Variants in MAML2 observed in about 807,000 individuals in gnomAD.
MAML2 encodes the protein mastermind like transcriptional coactivator 2, also known as mastermind-like protein 2.
A neutral mutation model predicts 96.1 loss-of-function variants in MAML2; 22 were observed. That is an observed-to-expected ratio of 0.23 (90% CI 0.16 to 0.33). MAML2 has a LOEUF of 0.33. Ranked by LOEUF, MAML2 falls within the 10% of genes least tolerant of loss-of-function variation. The pLI, the probability that MAML2 is intolerant of heterozygous loss-of-function variation, is 1.00. For missense variants in MAML2, 1,367 were observed against 1,392.4 expected, an observed-to-expected ratio of 0.98 and a Z score of 0.29; for synonymous variants, 561 against 521.3, an observed-to-expected ratio of 1.08 and a Z score of -1.04.
At chr11:96,089,763 T>C (rs1859674206) in intron 2 of MAML2, among the ~76,000 whole-genome samples, 1 of 151,998 alleles carries the variant, frequency 6.6e-6, no homozygotes, top group South Asian at 2.1e-4. Flanking sequence ...TCTATAAAGC[T>C]GGGATAAAGC....
At chr11:96,041,975 A>ATTTTTT (rs549945518) in intron 2 of MAML2, among the ~76,000 whole-genome samples, 1 of 121,796 alleles carries the variant, frequency 8.2e-6, no homozygotes, top group Admixed American at 8.7e-5. Flanking sequence ...CGCCCGGCTA[A>ATTTTTT]TTTTTTTTTT....
chr11:96,323,354 TCC>T (rs1178512485), intron 1 of MAML2, among the ~76,000 whole-genome samples: 25 of 152,154 alleles, frequency 1.6e-4, no homozygotes, highest in African/African-American at 5.8e-4. Flanking sequence ...AAAGAGAATT[TCC>T]CTCAGAATAT....
At chr11:96,151,090 G>GC (rs1396665898) in intron 1 of MAML2, among the ~76,000 whole-genome samples, 1 of 152,116 alleles carries the variant, frequency 6.6e-6, no homozygotes, top group Non-Finnish European at 1.5e-5. Flanking sequence ...ACCTTCTGTT[G>GC]CTCACTGGTG....
intron 1 of MAML2, among the ~76,000 whole-genome samples, chr11:96,297,022 GTC>G (rs1475517438): frequency 6.6e-6 from 1 of 152,064 alleles, no homozygotes; most frequent in Non-Finnish European, 1.5e-5. Flanking sequence ...AAAGTAATGA[GTC>G]TTGTCCACCC....
intron 1 of MAML2, among the ~76,000 whole-genome samples, chr11:96,176,007 C>T (rs1861382644): frequency 6.6e-6 from 1 of 152,168 alleles, no homozygotes; most frequent in African/African-American, 2.4e-5. Context: ...AAAGACTCCT[C>T]AATGTGTATA....
At chr11:96,157,407 T>C (rs1282964172) in intron 1 of MAML2, among the ~76,000 whole-genome samples, 2 of 152,250 alleles carry the variant, frequency 1.3e-5, no homozygotes, top group African/African-American at 4.8e-5. Flanking sequence ...TGGTGGTCTG[T>C]GGAGGAACAG....
At chr11:96,085,379 T>G (rs1319347131) in intron 2 of MAML2, among the ~76,000 whole-genome samples, 1 of 152,226 alleles carries the variant, frequency 6.6e-6, no homozygotes. Flanking sequence ...TGTGCAAATT[T>G]ACTGATTAGT....
At chr11:96,067,491 C>T (rs1859263513) in intron 2 of MAML2, among the ~76,000 whole-genome samples, 1 of 152,152 alleles carries the variant, frequency 6.6e-6, no homozygotes, top group South Asian at 2.1e-4. Flanking sequence ...AGTAACAACC[C>T]TTTAAAACAC....
In MAML2 at chr11:96,101,346, T is replaced by A. The variant is rs549422282; in HGVS notation, c.514-7829A>T. On this transcript the variant is annotated intron_variant, in intron 1 of 4. Transcript: ENST00000524717. The stretch of plus-strand genomic sequence containing the variant: ...CATTTTGTCAGCGTGGACACTTCCA[T>A]CACTTCCCTGTGGAGAATGTTCCAA... 2.0e-5 allele frequency among the ~76,000 whole-genome samples: 3 copies of A among 152,358 alleles called. No homozygotes were observed. In the East Asian group the frequency reaches 5.8e-4, roughly 29 times the overall value.
intron 1 of MAML2, among the ~76,000 whole-genome samples, chr11:96,116,644 G>A (rs535640175): frequency 1.6e-4 from 25 of 152,338 alleles, no homozygotes; most frequent in African/African-American, 5.8e-4. Context: ...TTGGGAGGAA[G>A]AAGGTGGGAA....
At chr11:96,297,568 C>G (rs897719690) in intron 1 of MAML2, among the ~76,000 whole-genome samples, 4 of 152,008 alleles carry the variant, frequency 2.6e-5, no homozygotes, top group Admixed American at 2.6e-4. Context: ...GGCAACAGAA[C>G]GAGACTCCAT....
chr11:96,332,698 C>T (rs115815920), intron 1 of MAML2, among the ~76,000 whole-genome samples: 2 of 152,174 alleles, frequency 1.3e-5, no homozygotes, highest in Admixed American at 6.5e-5. Flanking sequence ...CAATCAAATG[C>T]GCAAGACTTA....
chr11:96,240,552 C>T lies in MAML2; in HGVS notation c.513+100831G>A, dbSNP rs560716127. The stretch of plus-strand genomic sequence containing the variant: ...CGGCCTGGGCGACAGAGCGAGACTC[C>T]GTCTCAAAAAAAAAAAAAAAAAAAA... On this transcript the variant is annotated intron_variant, in intron 1 of 4. Transcript: ENST00000524717. 6.9e-3 allele frequency among the ~76,000 whole-genome samples: 102 copies of T among 14,696 alleles called. 2 individuals carry two copies. The highest frequency in any genetic ancestry group is 0.013 in the African/African-American group (94 of 7,492). 9.6% of individuals were successfully genotyped at this position (14,696 alleles called of 152,430 possible). A position where few individuals can be genotyped will look rare whatever the true frequency, so the allele number is the denominator to read the frequency against.
chr11:96,287,782 A>C (rs1863160074), intron 1 of MAML2, among the ~76,000 whole-genome samples: 1 of 152,220 alleles, frequency 6.6e-6, no homozygotes, highest in Non-Finnish European at 1.5e-5. Context: ...TCATTTTCAT[A>C]ATACTCTTCT....
At chr11:95,997,849 T>G (rs1858016711) in intron 2 of MAML2, among the ~76,000 whole-genome samples, 1 of 152,160 alleles carries the variant, frequency 6.6e-6, no homozygotes, top group African/African-American at 2.4e-5. Flanking sequence ...CTGCTAGTAT[T>G]TAGTCATCCT....
intron 1 of MAML2, among the ~76,000 whole-genome samples, chr11:96,249,296 T>C (rs1862552447): frequency 6.6e-6 from 1 of 152,182 alleles, no homozygotes; most frequent in Admixed American, 6.5e-5. Flanking sequence ...TAGCACTCTG[T>C]TCAAACGCCT....
chr11:96,068,490 G>GGAGA (rs139120762), intron 2 of MAML2, among the ~76,000 whole-genome samples: 1 of 81,176 alleles, frequency 1.2e-5, no homozygotes, highest in Non-Finnish European at 3.1e-5. Flanking sequence ...AGGGAGGGAG[G>GGAGA]GAGAGAGAGA....
At chr11:96,295,763 T>TGGTA (rs1331338963) in intron 1 of MAML2, among the ~76,000 whole-genome samples, 6 of 148,828 alleles carry the variant, frequency 4.0e-5, no homozygotes, top group Admixed American at 6.7e-5. Flanking sequence ...TAGTACCTGA[T>TGGTA]GGTAGTGTTA....
At chr11:96,121,966 T>A (rs1176067491) in intron 1 of MAML2, among the ~76,000 whole-genome samples, 1 of 121,990 alleles carries the variant, frequency 8.2e-6, no homozygotes, top group Admixed American at 8.5e-5. Flanking sequence ...TTTTTTTTTT[T>A]TTTTTTTTTT....
Sources: gnomAD v4.1 joint callset for allele counts (sites outside exome capture counted in the v4.1 genomes callset) on GRCh38, gnomAD v4.1.1 for gene constraint, MANE v1.5 for transcripts, NCBI Gene and HGNC (gene_info 2026-07-23, HGNC 2026-07-21) for gene names.